Variants in CYFIP2 observed in about 807,000 individuals in gnomAD.
CYFIP2 encodes cytoplasmic FMR1-interacting protein 2.
CYFIP2 carries 29 observed loss-of-function variants against 158.7 expected under a neutral mutation model. That is an observed-to-expected ratio of 0.18 (90% CI 0.14 to 0.25). The LOEUF (loss-of-function observed/expected upper bound fraction) is 0.25, where lower values mean the gene tolerates loss of function less well. Ranked by LOEUF, CYFIP2 falls within the 10% of genes least tolerant of loss-of-function variation. CYFIP2 has a pLI of 1.00. For missense variants in CYFIP2, 852 were observed against 1,639.5 expected (o/e 0.52, Z 8.29); for synonymous variants, 585 against 617.6 (o/e 0.95, Z 0.78).
chr5:157,275,310 T>C (rs1323993733), intron 1 of CYFIP2, among the ~76,000 whole-genome samples: 10 of 152,212 alleles, frequency 6.6e-5, no homozygotes, highest in African/African-American at 1.9e-4. Flanking sequence ...CTTTGATCCA[T>C]TTTGAGTTAA....
At chr5:157,323,826 G>GAAAAA in intron 15 of CYFIP2, 95 bp from the exon 16 acceptor site, 2 of 1,160,274 alleles carry the variant, frequency 1.7e-6, no homozygotes, top group Non-Finnish European at 1.1e-6. Flanking sequence ...GACATCTGCA[G>GAAAAA]AAAAAAAAAA....
Position 157,339,224 on chromosome 5 carries a change from C to G in CYFIP2, c.2553C>G (p.Leu851=), listed in dbSNP as rs781052828. ...HVFWELNFDF[L]PNYCYNGSTN... ...TCTGGGAACTGAACTTTGACTTTCT[C>G]CCCAACTACTGCTACAATGGGTCCA... Residue 851 remains leucine (L), a synonymous_variant, in exon 22 of 31, where the codon CTC becomes CTG. Coordinates refer to ENST00000620254, the MANE Select transcript of CYFIP2 (RefSeq NM_001037333.3). 2 of 1,613,930 alleles carry G rather than the reference C, an allele frequency of 1.2e-6. No homozygotes were observed. Among genetic ancestry groups the G allele is most frequent in the Non-Finnish European group, 8.5e-7 (1 of 1,179,936 alleles).
intron 23 of CYFIP2, among the ~76,000 whole-genome samples, chr5:157,345,995 GTA>G (rs1762660433): frequency 6.6e-6 from 1 of 152,284 alleles, no homozygotes; most frequent in East Asian, 1.9e-4. Context: ...AACCAAAGCA[GTA>G]ATATTCATCT....
intron 23 of CYFIP2, among the ~76,000 whole-genome samples, chr5:157,356,041 T>C (rs750735588): frequency 6.6e-6 from 1 of 152,242 alleles, no homozygotes; most frequent in Non-Finnish European, 1.5e-5. Context: ...TATTGAAGTA[T>C]AGTCATATTC....
At chr5:157,318,506 A>G (rs1436088451) in intron 13 of CYFIP2, among the ~76,000 whole-genome samples, 1 of 152,208 alleles carries the variant, frequency 6.6e-6, no homozygotes, top group African/African-American at 2.4e-5. Flanking sequence ...CATCACCAAC[A>G]AAATTGTTGT....
In CYFIP2 at chr5:157,333,381, G is replaced by T. The variant is rs1410666252; in HGVS notation, c.2320G>T (p.Ala774Ser). ...NRLITQRISA[A>S]MYKSLDQAIS... The stretch of plus-strand genomic sequence containing the variant: ...ACTCATTACCCAGCGCATCTCTGCC[G>T]CCATGTATAAATCCTTGGACCAAGC... The change falls in exon 21 of 31, where the codon GCC becomes TCC. Residue 774 changes from alanine (A) to serine (S), a missense_variant. Around this residue, in one of 8 missense-constraint regions of CYFIP2, gnomAD observed 191 missense variants for 311.2 expected, o/e 0.61. Coordinates refer to ENST00000620254, the MANE Select transcript of CYFIP2 (RefSeq NM_001037333.3). 2.5e-6 allele frequency: 4 copies of T among 1,613,954 alleles called. No homozygotes were observed. The highest frequency in any genetic ancestry group is 3.4e-6 in the Non-Finnish European group (4 of 1,179,872).
intron 3 of CYFIP2, among the ~76,000 whole-genome samples, chr5:157,291,634 C>T (rs1757824856): frequency 6.6e-6 from 1 of 152,218 alleles, no homozygotes; most frequent in Non-Finnish European, 1.5e-5. Flanking sequence ...TGTTCTGAGG[C>T]AGATGACTGC....
chr5:157,304,135 A>G (rs1759014210), intron 7 of CYFIP2, 103 bp from the exon 8 acceptor site: 1 of 1,410,218 alleles, frequency 7.1e-7, no homozygotes, highest in Non-Finnish European at 9.5e-7. Flanking sequence ...ATTCCTGGCC[A>G]TCAGCGGGGA....
chr5:157,318,628 C>T (rs1760341599), intron 13 of CYFIP2, among the ~76,000 whole-genome samples: 1 of 152,228 alleles, frequency 6.6e-6, no homozygotes, highest in Admixed American at 6.5e-5. Flanking sequence ...GCCTTAGGGT[C>T]TGAGCTCATT....
chr5:157,333,230 C>A (rs2113193059), intron 20 of CYFIP2, 97 bp from the exon 21 acceptor site: 1 of 1,527,578 alleles, frequency 6.5e-7, no homozygotes, highest in Non-Finnish European at 8.9e-7. Flanking sequence ...GTCTCACTCC[C>A]ACCTTGGTCC....
In CYFIP2 at chr5:157,361,643, G is replaced by A. The variant is rs1763834105; in HGVS notation, c.3039+45G>A. The A allele has an allele frequency of 3.1e-6, 5 of 1,611,478 alleles. No individual in the cohort carries two copies. The highest frequency in any genetic ancestry group is 1.1e-5 in the South Asian group (1 of 90,934). On this transcript the variant is annotated intron_variant, in intron 26 of 30. Transcript: ENST00000620254. This position sits in a 1 kb window ranked among gnomAD's most constrained non-coding sequence, Gnocchi z 4.4. ...GAAGTGGGGTGTCTCCAGGTTGGAGGGGATGCCAACCCCAAGCAGATATTG... is the reference window on the plus strand; with the variant it reads ...GAAGTGGGGTGTCTCCAGGTTGGAGAGGATGCCAACCCCAAGCAGATATTG...
intron 10 of CYFIP2, among the ~76,000 whole-genome samples, chr5:157,310,805 T>G (rs941969170): frequency 6.6e-5 from 10 of 152,212 alleles, no homozygotes; most frequent in African/African-American, 2.4e-4. Flanking sequence ...ACCATTCTTG[T>G]GAGAACCATA....
chr5:157,300,286 C>G (rs981881373), intron 5 of CYFIP2, among the ~76,000 whole-genome samples: 1 of 152,042 alleles, frequency 6.6e-6, no homozygotes, highest in Non-Finnish European at 1.5e-5. Context: ...TAATCAGTCC[C>G]AGCACTTTGG....
chr5:157,290,595 C>T (rs1757741482), intron 3 of CYFIP2, among the ~76,000 whole-genome samples: 1 of 152,182 alleles, frequency 6.6e-6, no homozygotes, highest in Non-Finnish European at 1.5e-5. Context: ...TTCACAGGCA[C>T]CAGGGATTAG....
intron 21 of CYFIP2, among the ~76,000 whole-genome samples, chr5:157,337,730 C>T (rs927502289): frequency 3.3e-5 from 5 of 152,230 alleles, no homozygotes; most frequent in Admixed American, 6.5e-5. Flanking sequence ...CCATTACAGC[C>T]GACCCTATGG....
intron 1 of CYFIP2, chr5:157,277,147 C>T (rs926604627): frequency 6.6e-6 from 1 of 152,044 alleles, no homozygotes; most frequent in Non-Finnish European, 1.5e-5. Context: ...AATTCTGCCT[C>T]ACCCTCCCGA....
chr5:157,391,846 G>C (rs1466383758), intron 30 of CYFIP2, among the ~76,000 whole-genome samples: 1 of 152,056 alleles, frequency 6.6e-6, no homozygotes, highest in Non-Finnish European at 1.5e-5. Flanking sequence ...TTTAGAAACT[G>C]CCATTCTGTT....
At chr5:157,325,345 C>T in intron 16 of CYFIP2, 137 bp from the exon 17 acceptor site, 2 of 937,972 alleles carry the variant, frequency 2.1e-6, no homozygotes, top group Non-Finnish European at 2.9e-6. Flanking sequence ...TAAAAGAGAG[C>T]AGGATCTACT....
intron 5 of CYFIP2, 29 bp from the exon 6 acceptor site, chr5:157,300,686 G>A: frequency 6.6e-7 from 1 of 1,515,122 alleles, no homozygotes; most frequent in East Asian, 2.4e-5. Flanking sequence ...GAGCACAGTG[G>A]ACCTTACTCA....
Sources: gnomAD v4.1 joint callset for allele counts (sites outside exome capture counted in the v4.1 genomes callset) on GRCh38, gnomAD v4.1.1 for gene constraint, gnomAD v4.1.1 regional missense constraint, Gnocchi (gnomAD v3.1) non-coding constraint, MANE v1.5 for transcripts, NCBI Gene and HGNC (gene_info 2026-07-23, HGNC 2026-07-21) for gene names.